SLC22A8: variants seen among roughly 807,000 people sequenced by gnomAD.
SLC22A8 encodes the protein organic anion transporter 3.
Under a neutral mutation model 48.4 loss-of-function variants are expected in SLC22A8, and 40 were observed. The observed-to-expected ratio is 0.83, with a 90% CI of 0.64 to 1.08. The LOEUF (loss-of-function observed/expected upper bound fraction) is 1.08, where lower values mean the gene tolerates loss of function less well. Ranked by LOEUF, SLC22A8 falls within the 50% of genes least tolerant of loss-of-function variation. The probability of loss-of-function intolerance (pLI) is 0.00; values close to 1 mark genes in which losing one functional copy is unlikely to be tolerated. For missense variants in SLC22A8, 606 were observed against 699.0 expected (o/e 0.87, Z 1.50); for synonymous variants, 268 against 286.3 (o/e 0.94, Z 0.65).
intron 2 of SLC22A8, among the ~76,000 whole-genome samples, chr11:63,006,036 G>A (rs1475648743): frequency 6.6e-6 from 1 of 152,154 alleles, no homozygotes; most frequent in East Asian, 1.9e-4. Flanking sequence ...ATTTTTAAAG[G>A]CATCCTGGAA....
chr11:62,999,294 T>G lies in SLC22A8; in HGVS notation c.593-205A>C. Reference sequence around the variant, plus strand: ...ATTTTACAGATGCCACAGCTGAGGCTCAAGGCGATAGGACTCAAACCTAGG... The same window carrying G: ...ATTTTACAGATGCCACAGCTGAGGCGCAAGGCGATAGGACTCAAACCTAGG... On this transcript the variant is annotated intron_variant, in intron 4 of 10. Transcript: ENST00000336232. 7 of 552,842 alleles carry G rather than the reference T, an allele frequency of 1.3e-5. No homozygotes were observed. In the South Asian group the frequency reaches 1.8e-4, roughly 14 times the overall value. 34.2% of individuals were successfully genotyped at this position (552,842 alleles called of 1,614,324 possible). A position where few individuals can be genotyped will look rare whatever the true frequency, so the allele number is the denominator to read the frequency against.
chr11:63,009,683 T>A (rs2086596065), intron 2 of SLC22A8, among the ~76,000 whole-genome samples: 1 of 152,136 alleles, frequency 6.6e-6, no homozygotes, highest in African/African-American at 2.4e-5. Context: ...GAAAGGAATT[T>A]GTGGTCACCC....
chr11:62,994,400 GAAGA>G, intron 8 of SLC22A8, 138 bp downstream of exon 8: 2 of 648,926 alleles, frequency 3.1e-6, no homozygotes, highest in Admixed American at 2.8e-5. Flanking sequence ...TTATTTTCTA[GAAGA>G]GAGACCCTGA....
At chr11:63,004,954 G>T (rs760597615) in intron 2 of SLC22A8, among the ~76,000 whole-genome samples, 1 of 152,204 alleles carries the variant, frequency 6.6e-6, no homozygotes, top group East Asian at 1.9e-4. Flanking sequence ...TGTCAATATG[G>T]ATAGTGTCTA....
chr11:62,995,845 G>A (rs2086411579), intron 6 of SLC22A8, 26 bp from the exon 7 acceptor site: 1 of 1,569,816 alleles, frequency 6.4e-7, no homozygotes, highest in East Asian at 2.2e-5. Flanking sequence ...GGGGAGGGGT[G>A]CCATTAATGA....
Position 62,993,178 on chromosome 11 carries a change from C to T in SLC22A8, c.*59G>A, listed in dbSNP as rs2086362942. On this transcript the variant is annotated 3_prime_UTR_variant, in exon 11 of 11. Transcript: ENST00000336232. Reference sequence around the variant, plus strand: ...GACCTATATGGGGCCTCCCTATACTCCTAAGGTGCCTGGCTAGGATCAGTC... The same window carrying T: ...GACCTATATGGGGCCTCCCTATACTTCTAAGGTGCCTGGCTAGGATCAGTC... The T allele has an allele frequency of 7.3e-7, 1 of 1,374,792 alleles. No individual in the cohort carries two copies. Among genetic ancestry groups the T allele is most frequent in the South Asian group, 1.3e-5 (1 of 79,920 alleles). 85.2% of individuals were successfully genotyped at this position (1,374,792 alleles called of 1,614,324 possible).
chr11:63,010,949 G>A (rs1342701094), intron 2 of SLC22A8, among the ~76,000 whole-genome samples: 3 of 152,062 alleles, frequency 2.0e-5, no homozygotes, highest in East Asian at 1.9e-4. Context: ...TGTCTCTCCC[G>A]CCAGGCTCTG....
intron 2 of SLC22A8, among the ~76,000 whole-genome samples, chr11:63,012,810 C>A (rs1360145225): frequency 6.6e-6 from 1 of 152,188 alleles, no homozygotes; most frequent in Non-Finnish European, 1.5e-5. Flanking sequence ...GGAGGGAACG[C>A]AGGGCTAGCG....
At position 62,996,159 on chromosome 11, in the gene SLC22A8, G is replaced by T. The variant is rs751798396; in HGVS notation, c.762-7C>A. ...TATGGACTCTGGTGTCCACCTGGGG[G>T]CCAGAGACCAGTCACAGTGGCTCCT... On this transcript the variant is annotated splice_polypyrimidine_tract_variant and splice_region_variant and intron_variant, in intron 5 of 10. Transcript: ENST00000336232. The T allele has an allele frequency of 1.3e-5, 21 of 1,588,806 alleles. No individual in the cohort carries two copies. Among genetic ancestry groups the T allele is most frequent in the Non-Finnish European group, 1.7e-5 (20 of 1,165,724 alleles).
At chr11:62,996,180 C>A in intron 5 of SLC22A8, 28 bp from the exon 6 acceptor site, 1 of 1,568,344 alleles carries the variant, frequency 6.4e-7, no homozygotes. Context: ...GTCACAGTGG[C>A]TCCTCCCACT....
intron 2 of SLC22A8, among the ~76,000 whole-genome samples, chr11:63,012,282 C>A (rs1430226199): frequency 6.6e-6 from 1 of 152,090 alleles, no homozygotes; most frequent in Non-Finnish European, 1.5e-5. Flanking sequence ...TGAGCCACTG[C>A]ACCCGGCCTT....
rs141819551 is a variant in SLC22A8 at position 63,014,869 on chromosome 11, G to T, written c.90C>A (p.Asn30Lys). ...TCTGCAGCAGGTTGTGGTTGGCCAT[G>T]TTGAGGATCGGGAGGCCCAGTATGG... ...HVAILGLPIL[N>K]MANHNLLQIF... The change falls in exon 2 of 11, where the codon AAC (asparagine) becomes AAA (lysine). Residue 30 changes from asparagine (N) to lysine (K), a missense_variant. Transcript: ENST00000336232. 6.2e-7 allele frequency: 1 copy of T among 1,610,736 alleles called. No individual in the cohort carries two copies. The highest frequency in any genetic ancestry group is 8.5e-7 in the Non-Finnish European group (1 of 1,177,538).
At position 63,014,735 on chromosome 11, in the gene SLC22A8, C is replaced by G; in HGVS notation, c.224G>C (p.Arg75Pro). Residue 75 changes from arginine to proline, a missense_variant, in exon 2 of 11, where the codon CGT becomes CCT. Transcript: ENST00000336232. ...GCTGGCATTGGGCGGATGTACAAAACGGAGGCACCTCTCAGGCTTCCCATT... is the reference window on the plus strand; with the variant it reads ...GCTGGCATTGGGCGGATGTACAAAAGGGAGGCACCTCTCAGGCTTCCCATT... ...GPNGKPERCL[R>P]FVHPPNASLP... 1 of 1,614,110 alleles carries G rather than the reference C, an allele frequency of 6.2e-7. No individual in the cohort carries two copies. Among genetic ancestry groups the G allele is most frequent in the Non-Finnish European group, 8.5e-7 (1 of 1,179,990 alleles).
intron 2 of SLC22A8, among the ~76,000 whole-genome samples, chr11:63,010,857 G>A (rs1024728006): frequency 6.6e-6 from 1 of 152,168 alleles, no homozygotes; most frequent in Admixed American, 6.5e-5. Context: ...CTCTCCGTCT[G>A]GCCTTTCTAG....
chr11:62,998,851 G>A, intron 5 of SLC22A8, 70 bp downstream of exon 5: 1 of 1,411,356 alleles, frequency 7.1e-7, no homozygotes, highest in Non-Finnish European at 9.8e-7. Flanking sequence ...GCCAGCCTGG[G>A]CAGGTATGGG....
At chr11:63,011,880 G>A (rs1565302586) in intron 2 of SLC22A8, among the ~76,000 whole-genome samples, 1 of 152,122 alleles carries the variant, frequency 6.6e-6, no homozygotes, top group African/African-American at 2.4e-5. Context: ...ATCCAAGCTG[G>A]GCCCTCTTGC....
chr11:63,003,930 T>C (rs1270775869), intron 2 of SLC22A8, among the ~76,000 whole-genome samples: 1 of 152,178 alleles, frequency 6.6e-6, no homozygotes, highest in African/African-American at 2.4e-5. Flanking sequence ...GAGAAACACT[T>C]CAATATTTTT....
chr11:63,012,251 A>C (rs996451714), intron 2 of SLC22A8, among the ~76,000 whole-genome samples: 2 of 151,750 alleles, frequency 1.3e-5, no homozygotes, highest in African/African-American at 4.8e-5. Flanking sequence ...TGGCCTCCCA[A>C]AGTAGCTGGG....
At chr11:63,003,975 C>G (rs1156254668) in intron 2 of SLC22A8, among the ~76,000 whole-genome samples, 5 of 152,208 alleles carry the variant, frequency 3.3e-5, no homozygotes, top group Admixed American at 6.5e-5. Context: ...AATAACCTAG[C>G]CTATCCTGAT....
Sources: gnomAD v4.1 joint callset for allele counts (sites outside exome capture counted in the v4.1 genomes callset) on GRCh38, gnomAD v4.1.1 for gene constraint, MANE v1.5 for transcripts, NCBI Gene and HGNC (gene_info 2026-07-23, HGNC 2026-07-21) for gene names.